CEP85L: variants seen among roughly 807,000 people sequenced by gnomAD.
CEP85L encodes the protein centrosomal protein of 85 kDa-like.
Under a neutral mutation model 100.3 loss-of-function variants are expected in CEP85L, and 60 were observed. The observed-to-expected ratio is 0.60, with a 90% confidence interval of 0.49 to 0.74. The LOEUF is 0.74. Among genes scored for constraint, CEP85L ranks in the 30% least tolerant of loss-of-function variants. The pLI is 0.00. For missense variants in CEP85L, 973 were observed against 936.2 expected, an observed-to-expected ratio of 1.04 and a Z score of -0.51; for synonymous variants, 319 against 322.7, an observed-to-expected ratio of 0.99 and a Z score of 0.12.
rs1462057234 is a variant in CEP85L at position 118,462,283 on chromosome 6, T to C, written c.*3122A>G. 1 of 152,074 alleles carries C rather than the reference T, an allele frequency of 6.6e-6. No individual in the cohort carries two copies. Among genetic ancestry groups the C allele is most frequent in the Non-Finnish European group, 1.5e-5 (1 of 67,914 alleles). The allele number at this position is 152,074 out of a possible 1,614,324, so 9.4% of individuals were successfully genotyped here. On this transcript the variant is annotated 3_prime_UTR_variant, in exon 13 of 13. Coordinates refer to ENST00000368491, the MANE Select transcript of CEP85L (RefSeq NM_001042475.3). ...TTTTAAAATGACCTCAGGAATATCTTACCTAGCCAGTATTTGTGGTTTTTT... is the reference window on the plus strand; with the variant it reads ...TTTTAAAATGACCTCAGGAATATCTCACCTAGCCAGTATTTGTGGTTTTTT...
intron 5 of CEP85L, among the ~76,000 whole-genome samples, chr6:118,492,807 A>G (rs1774661697): frequency 6.6e-6 from 1 of 152,208 alleles, no homozygotes; most frequent in African/African-American, 2.4e-5. Flanking sequence ...CAATGAAACT[A>G]AGTGCTAAGA....
chr6:118,612,270 AC>A (rs1239013533), intron 2 of CEP85L, among the ~76,000 whole-genome samples: 2 of 151,810 alleles, frequency 1.3e-5, no homozygotes, highest in South Asian at 2.1e-4. Flanking sequence ...AAAAAAAAAA[AC>A]CACACTGAAC....
intron 3 of CEP85L, chr6:118,558,832 A>G (rs902269935): frequency 1.2e-5 from 11 of 882,214 alleles, no homozygotes; most frequent in Non-Finnish European, 2.1e-5. Context: ...CAGGCTACCT[A>G]AAAGAAGACA....
chr6:118,571,316 C>T (rs1272776074), intron 2 of CEP85L, among the ~76,000 whole-genome samples: 2 of 152,166 alleles, frequency 1.3e-5, no homozygotes, highest in South Asian at 2.1e-4. Context: ...CTGAAACCAA[C>T]AGAGGGTAGT....
chr6:118,591,183 C>T (rs768444381), intron 2 of CEP85L, among the ~76,000 whole-genome samples: 7 of 152,138 alleles, frequency 4.6e-5, no homozygotes, highest in Non-Finnish European at 8.8e-5. Flanking sequence ...TTTCTGCAAA[C>T]TTACTAGAGC....
intron 2 of CEP85L, among the ~76,000 whole-genome samples, chr6:118,572,675 T>C (rs139956465): frequency 9.0e-4 from 137 of 152,318 alleles, no homozygotes; most frequent in African/African-American, 3.2e-3. Context: ...AGTGGGGCTA[T>C]ATAAAGTAAT....
At chr6:118,530,385 G>GAAAA (rs59307210) in intron 3 of CEP85L, among the ~76,000 whole-genome samples, 2 of 128,290 alleles carry the variant, frequency 1.6e-5, no homozygotes, top group African/African-American at 5.6e-5. Context: ...GCCATGTATG[G>GAAAA]AAAAAAAAAA....
chr6:118,604,368 C>T (rs574867803), intron 2 of CEP85L, among the ~76,000 whole-genome samples: 4 of 152,316 alleles, frequency 2.6e-5, no homozygotes, highest in African/African-American at 9.6e-5. Context: ...AATATGTTCA[C>T]ACACAGAATC....
chr6:118,620,774 C>T lies in CEP85L; in HGVS notation c.232+11679G>A, dbSNP rs188689518. Reference sequence around the variant, plus strand: ...GCCCTAGACAGTTATCCTCAAGATCCATTACCATCCAAGGAATCCTAGGAC... The same window carrying T: ...GCCCTAGACAGTTATCCTCAAGATCTATTACCATCCAAGGAATCCTAGGAC... On this transcript the variant is annotated intron_variant, in intron 2 of 12. Coordinates refer to ENST00000368491, the MANE Select transcript of CEP85L (RefSeq NM_001042475.3). Among the ~76,000 whole-genome samples, 71 of 152,316 alleles carry T rather than the reference C, an allele frequency of 4.7e-4. 1 individual carries two copies. The East Asian group carries it at 0.014, about 29-fold the overall frequency.
Position 118,461,001 on chromosome 6 carries a change from A to T in CEP85L, c.*4404T>A, listed in dbSNP as rs1562158604. ...AATGATAGATCAGAAGGCATAAGCC[A>T]ACCAGTGGCTTCACATTCTTTTTTT... On this transcript the variant is annotated 3_prime_UTR_variant, in exon 13 of 13. Coordinates refer to ENST00000368491, the MANE Select transcript of CEP85L (RefSeq NM_001042475.3). The T allele has an allele frequency of 6.6e-6, 1 of 152,222 alleles. No homozygotes were observed. Among genetic ancestry groups the T allele is most frequent in the East Asian group, 1.9e-4 (1 of 5,188 alleles). The allele number at this position is 152,222 out of a possible 1,614,324, so 9.4% of individuals were successfully genotyped here. A position where few individuals can be genotyped will look rare whatever the true frequency, so the allele number is the denominator to read the frequency against.
chr6:118,532,661 C>G (rs1777361234), intron 3 of CEP85L, among the ~76,000 whole-genome samples: 1 of 152,056 alleles, frequency 6.6e-6, no homozygotes, highest in African/African-American at 2.4e-5. Context: ...GATAGAGTAT[C>G]TGAATCATCA....
At chr6:118,642,563 A>C (rs1774944736) in intron 1 of CEP85L, among the ~76,000 whole-genome samples, 1 of 152,182 alleles carries the variant, frequency 6.6e-6, no homozygotes, top group African/African-American at 2.4e-5. Flanking sequence ...ATACTTTCTC[A>C]CATAAACACA....
At chr6:118,613,846 C>A (rs914391440) in intron 2 of CEP85L, among the ~76,000 whole-genome samples, 15 of 151,078 alleles carry the variant, frequency 9.9e-5, no homozygotes, top group Non-Finnish European at 1.9e-4. Flanking sequence ...TCTATACAAT[C>A]TCTTCCAAAA....
intron 2 of CEP85L, among the ~76,000 whole-genome samples, chr6:118,598,777 T>C (rs1781579489): frequency 6.6e-6 from 1 of 152,198 alleles, no homozygotes; most frequent in African/African-American, 2.4e-5. Context: ...TAATTTGTTA[T>C]AGCAGCCCTA....
intron 5 of CEP85L, among the ~76,000 whole-genome samples, chr6:118,505,394 T>C (rs1775580791): frequency 8.7e-6 from 1 of 114,896 alleles, no homozygotes; most frequent in Non-Finnish European, 1.7e-5. Flanking sequence ...TGAGCCAAGA[T>C]CACGTCACTG....
intron 2 of CEP85L, among the ~76,000 whole-genome samples, chr6:118,580,282 G>A (rs886698488): frequency 7.2e-5 from 11 of 152,116 alleles, no homozygotes; most frequent in South Asian, 4.1e-4. Flanking sequence ...TTAAACTGGC[G>A]TGAGAAAAGG....
rs375522815 is a variant in CEP85L, at chr6:118,583,885, C to T, written c.233-17569G>A. Among the ~76,000 whole-genome samples the T allele has an allele frequency of 7.2e-5, 11 of 152,302 alleles. No homozygotes were observed. The East Asian group carries it at 1.5e-3, about 21-fold the overall frequency. On this transcript the variant is annotated intron_variant, in intron 2 of 12. Transcript: ENST00000368491. ...CATCCAGTGGTCCCTAATCCCTATA[C>T]CCTGTTAACTCAAATACCTGAGGGA...
intron 2 of CEP85L, among the ~76,000 whole-genome samples, chr6:118,577,546 T>C (rs1008596612): frequency 6.6e-6 from 1 of 152,178 alleles, no homozygotes; most frequent in African/African-American, 2.4e-5. Flanking sequence ...AAGAAAAATG[T>C]AAACTGGATA....
intron 4 of CEP85L, among the ~76,000 whole-genome samples, chr6:118,513,098 G>C (rs1441425140): frequency 2.6e-5 from 4 of 152,000 alleles, no homozygotes; most frequent in Admixed American, 2.6e-4. Flanking sequence ...CAAAAGTACA[G>C]TAAATTTAAA....
Sources: allele counts gnomAD v4.1 joint callset (sites outside exome capture counted in the v4.1 genomes callset), GRCh38; gene constraint gnomAD v4.1.1; transcripts MANE v1.5; gene names NCBI Gene and HGNC (gene_info 2026-07-23, HGNC 2026-07-21).